The following SPOP variants were observed in gnomAD, a reference collection of about 807,000 sequenced individuals.
SPOP encodes speckle-type POZ protein.
SPOP carries 11 observed loss-of-function variants against 45.6 expected under a neutral mutation model. The observed-to-expected ratio is 0.24, with a 90% CI of 0.15 to 0.40. SPOP has a LOEUF of 0.40. SPOP is among the 10% of genes least tolerant of loss of function. SPOP has a pLI of 1.00. For synonymous variants in SPOP, 166 were observed against 166.3 expected, an observed-to-expected ratio of 1.00 and a Z score of 0.01; for missense variants, 152 against 465.6, an observed-to-expected ratio of 0.33 and a Z score of 6.20.
chr17:49,618,224 G>A (rs1247878608), intron 5 of SPOP, among the ~76,000 whole-genome samples: 1 of 152,178 alleles, frequency 6.6e-6, no homozygotes, highest in East Asian at 1.9e-4. Flanking sequence ...CCAGTTGACT[G>A]GAGATTTTAT....
At chr17:49,631,493 TA>T (rs1377820670) in intron 1 of SPOP, among the ~76,000 whole-genome samples, 1 of 152,226 alleles carries the variant, frequency 6.6e-6, no homozygotes, top group African/African-American at 2.4e-5. Context: ...ATTCAAATAG[TA>T]AATTAAAAAA....
Position 49,622,748 on chromosome 17 carries a change from A to G in SPOP, c.63T>C (p.Ser21=). 3.7e-6 allele frequency: 6 copies of G among 1,614,106 alleles called. No individual in the cohort carries two copies. The highest frequency in any genetic ancestry group is 5.1e-6 in the Non-Finnish European group (6 of 1,179,996). The change falls in exon 2 of 10, where the codon AGT becomes AGC. Residue 21 remains serine (S), a synonymous_variant. Transcript: ENST00000504102. ...AEMSSGPVAE[S]WCYTQIKVVK... ...TTCAACTTACCTGTGTGTAGCACCA[A>G]CTCTCAGCTACGGGGCCACTCGACA...
chr17:49,641,263 CAAAAAAA>C (rs34207707), intron 1 of SPOP, among the ~76,000 whole-genome samples: 5 of 47,568 alleles, frequency 1.1e-4, no homozygotes, highest in Non-Finnish European at 1.5e-4. Flanking sequence ...ACTCTGTCTC[CAAAAAAA>C]AAAAAAAAAA....
Position 49,601,980 on chromosome 17 carries a change from A to T in SPOP, c.865T>A (p.Cys289Ser). 2 of 1,614,140 alleles carry T rather than the reference A, an allele frequency of 1.2e-6. No homozygotes were observed. Among genetic ancestry groups the T allele is most frequent in the Non-Finnish European group, 1.7e-6 (2 of 1,179,992 alleles). ...AGGTTACTGCAGAGGGCATCCTCAC[A>T]CATGACCTTTAAGCGCTCCAGGGCA... is the stretch of plus-strand genomic sequence containing the variant. ...KYALERLKVM[C>S]EDALCSNLSV... The change falls in exon 9 of 10, where the codon TGT (cysteine) becomes AGT (serine). Residue 289 changes from cysteine (C) to serine (S), a missense_variant. Coordinates refer to ENST00000504102, the MANE Select transcript of SPOP (RefSeq NM_001007228.2).
intron 1 of SPOP, among the ~76,000 whole-genome samples, chr17:49,643,392 T>G (rs998801428): frequency 6.6e-6 from 1 of 152,148 alleles, no homozygotes; most frequent in African/African-American, 2.4e-5. Context: ...CAGAAAAAAT[T>G]TATAAATGAA....
At chr17:49,641,263 CAAAAAAAAA>C (rs34207707) in intron 1 of SPOP, among the ~76,000 whole-genome samples, 11 of 47,564 alleles carry the variant, frequency 2.3e-4, no homozygotes, top group African/African-American at 7.0e-4. Context: ...ACTCTGTCTC[CAAAAAAAAA>C]AAAAAAAAAA....
At chr17:49,604,349 A>G (rs570880510) in intron 8 of SPOP, among the ~76,000 whole-genome samples, 1 of 152,300 alleles carries the variant, frequency 6.6e-6, no homozygotes, top group South Asian at 2.1e-4. Flanking sequence ...GACAAGAAAG[A>G]TACGGTTATT....
intron 6 of SPOP, among the ~76,000 whole-genome samples, chr17:49,608,795 G>C (rs1278954141): frequency 6.6e-6 from 1 of 152,156 alleles, no homozygotes; most frequent in African/African-American, 2.4e-5. Context: ...GATTACCTAA[G>C]AGTGAAAGAA....
At chr17:49,654,796 T>TA in intron 1 of SPOP, among the ~76,000 whole-genome samples, 1 of 151,974 alleles carries the variant, frequency 6.6e-6, no homozygotes. Flanking sequence ...AAAAAGTAAA[T>TA]AAATAAAATA....
At chr17:49,655,130 ACT>A (rs2072890349) in intron 1 of SPOP, among the ~76,000 whole-genome samples, 1 of 152,228 alleles carries the variant, frequency 6.6e-6, no homozygotes, top group South Asian at 2.1e-4. Context: ...AAAGAAAGTT[ACT>A]GAGTTTAAAA....
chr17:49,658,594 T>C (rs981730682), intron 1 of SPOP, among the ~76,000 whole-genome samples: 5 of 152,214 alleles, frequency 3.3e-5, no homozygotes, highest in African/African-American at 1.2e-4. Flanking sequence ...AATTTACCCA[T>C]AGCTTTCACT....
At chr17:49,649,095 A>G (rs2072803107) in intron 1 of SPOP, among the ~76,000 whole-genome samples, 1 of 152,162 alleles carries the variant, frequency 6.6e-6, no homozygotes, top group Non-Finnish European at 1.5e-5. Flanking sequence ...ACTTAATCTT[A>G]GAAAATTTTC....
At chr17:49,660,442 T>A (rs2072972153) in intron 1 of SPOP, among the ~76,000 whole-genome samples, 1 of 152,076 alleles carries the variant, frequency 6.6e-6, no homozygotes, top group Non-Finnish European at 1.5e-5. Flanking sequence ...CTTTTTCGGG[T>A]CGTATTTTTC....
intron 2 of SPOP, 164 bp from the exon 3 acceptor site, chr17:49,622,231 G>C (rs1394761976): frequency 2.4e-6 from 2 of 850,790 alleles, no homozygotes; most frequent in Non-Finnish European, 3.8e-6. Context: ...CACATTTTAA[G>C]AAATCTCACA....
At chr17:49,654,184 G>A (rs1682147322) in intron 1 of SPOP, among the ~76,000 whole-genome samples, 3 of 152,180 alleles carry the variant, frequency 2.0e-5, no homozygotes, top group Non-Finnish European at 2.9e-5. Flanking sequence ...CAATTAAATA[G>A]GACAGTGCAC....
At chr17:49,667,233 CA>C (rs201493256) in intron 1 of SPOP, among the ~76,000 whole-genome samples, 18 of 104,886 alleles carry the variant, frequency 1.7e-4, no homozygotes, top group South Asian at 1.7e-3. Context: ...GCTACTATTA[CA>C]AAAAAAAAAT....
At chr17:49,671,415 G>A (rs1227434633) in intron 1 of SPOP, among the ~76,000 whole-genome samples, 1 of 151,900 alleles carries the variant, frequency 6.6e-6, no homozygotes, top group East Asian at 1.9e-4. Context: ...TTAAGGGTAA[G>A]GGTTCTGCAT....
chr17:49,650,745 A>G (rs985413527), intron 1 of SPOP, among the ~76,000 whole-genome samples: 1 of 152,220 alleles, frequency 6.6e-6, no homozygotes, highest in Non-Finnish European at 1.5e-5. Context: ...TTTCCAGAGT[A>G]AAAGACTAAG....
chr17:49,602,210 G>A (rs891136382), intron 8 of SPOP: 19 of 538,730 alleles, frequency 3.5e-5, no homozygotes, highest in Middle Eastern at 5.0e-4. Context: ...AACAGCTAAA[G>A]TAACTTGGAA....
Sources: allele counts gnomAD v4.1 joint callset (sites outside exome capture counted in the v4.1 genomes callset), GRCh38; gene constraint gnomAD v4.1.1; transcripts MANE v1.5; gene names NCBI Gene and HGNC (gene_info 2026-07-23, HGNC 2026-07-21).